Variants in POM121 observed in about 807,000 individuals in gnomAD.
The protein encoded by POM121 is POM121 transmembrane nucleoporin.
A neutral mutation model predicts 81.3 loss-of-function variants in POM121; 32 were observed. The ratio of observed to expected loss-of-function variants is 0.39; its 90% confidence interval spans 0.30 to 0.53. The LOEUF (loss-of-function observed/expected upper bound fraction) is 0.53. POM121 is among the 20% of genes least tolerant of loss of function. POM121 has a pLI of 0.66. For missense variants in POM121, 1,138 were observed against 1,614.6 expected (o/e 0.70, Z 5.06); for synonymous variants, 514 against 694.2 (o/e 0.74, Z 4.08).
chr7:72,912,165 G>C (rs1369089570), intron 3 of POM121, among the ~76,000 whole-genome samples: 1 of 152,212 alleles, frequency 6.6e-6, no homozygotes, highest in African/African-American at 2.4e-5. Flanking sequence ...AGTGCTGGGA[G>C]TACAGGCATG....
chr7:72,915,368 A>G (rs1212641343), intron 4 of POM121, among the ~76,000 whole-genome samples: 1 of 152,098 alleles, frequency 6.6e-6, no homozygotes, highest in Non-Finnish European at 1.5e-5. Flanking sequence ...AAACTAGCCA[A>G]CATGCACTGC....
chr7:72,927,042 T>C, intron 3 of POM121, 79 bp downstream of exon 3: 3 of 1,605,596 alleles, frequency 1.9e-6, no homozygotes, highest in South Asian at 2.2e-5. Context: ...CCCATATAGA[T>C]ACAGAGGCCA....
chr7:72,921,633 T>A (rs1794825508), upstream of POM121, among the ~76,000 whole-genome samples: 1 of 152,204 alleles, frequency 6.6e-6, no homozygotes. Flanking sequence ...TGCCAAGTTG[T>A]ACTGTTTTAT....
rs543990231 is a variant in POM121 at position 72,908,276 on chromosome 7, G to A, written c.-215-5489G>A. Among the ~76,000 whole-genome samples, 96 of 152,222 alleles carry A rather than the reference G, an allele frequency of 6.3e-4. 1 individual carries two copies. The highest frequency in any genetic ancestry group is 2.2e-3 in the African/African-American group (91 of 41,538). On this transcript the variant is annotated intron_variant, in intron 3 of 15. Transcript: ENST00000395270. ...GAGAAATTTTTAAAGCTGGGTGTCC[G>A]GGGGAGACATCACATGTCGGCAGGT...
At chr7:72,929,263 A>G (rs1435316792) in intron 4 of POM121, among the ~76,000 whole-genome samples, 1 of 152,232 alleles carries the variant, frequency 6.6e-6, no homozygotes, top group Non-Finnish European at 1.5e-5. Flanking sequence ...CCTTGAAAGA[A>G]GCAAAATAAC....
At chr7:72,882,923 C>T (rs1363683912) in intron 1 of POM121, among the ~76,000 whole-genome samples, 1 of 152,234 alleles carries the variant, frequency 6.6e-6, no homozygotes, top group Non-Finnish European at 1.5e-5. Context: ...CTGCCTTTGA[C>T]ATCCGTTACT....
intron 5 of POM121, 30 bp downstream of exon 5, chr7:72,930,141 A>C: frequency 6.3e-7 from 1 of 1,578,250 alleles, no homozygotes; most frequent in Non-Finnish European, 8.7e-7. Flanking sequence ...AATGTGGGGG[A>C]CATGAATTCC....
At chr7:72,890,529 T>C (rs1586070612) in intron 1 of POM121, 4 of 1,396,072 alleles carry the variant, frequency 2.9e-6, no homozygotes, top group Non-Finnish European at 4.0e-6. Flanking sequence ...AAATAAGGTA[T>C]ACAATGTTCA....
At chr7:72,891,087 A>G in exon 3 of POM121, 1 of 1,132,782 alleles carries the variant, frequency 8.8e-7, no homozygotes, top group East Asian at 2.4e-5. Context: ...ACGGGAGGTG[A>G]ATTTCCATGT....
downstream of POM121, chr7:72,949,707 C>T: frequency 5.6e-6 from 4 of 713,992 alleles, no homozygotes; most frequent in Non-Finnish European, 5.1e-6. Flanking sequence ...GTGGGGAAAG[C>T]TTAGCTTGGG....
At chr7:72,934,358 T>TA (rs1408185420) in intron 5 of POM121, among the ~76,000 whole-genome samples, 1 of 152,266 alleles carries the variant, frequency 6.6e-6, no homozygotes, top group Non-Finnish European at 1.5e-5. Context: ...GTGCTGGGAT[T>TA]ACAGGCGTGA....
At chr7:72,884,061 A>G (rs1484837404) in intron 1 of POM121, among the ~76,000 whole-genome samples, 2 of 152,114 alleles carry the variant, frequency 1.3e-5, no homozygotes, top group African/African-American at 4.8e-5. Context: ...ATATGCCACA[A>G]TGCCCAGCGG....
Position 72,929,928 on chromosome 7 carries a change from CTCTTT to C in POM121, c.1104-10_1104-6del, listed in dbSNP as rs1554498231. On this transcript the variant is annotated splice_region_variant and splice_polypyrimidine_tract_variant and intron_variant, in intron 4 of 12. Coordinates refer to ENST00000434423, the MANE Select transcript of POM121 (RefSeq NM_001387691.1). ...CTTCAATAAAGCATCTAACTGTCTT[CTCTTT>C]TATTAGGCCTGGGTCTCTGAAGAGA... The C allele has an allele frequency of 6.3e-7, 1 of 1,575,150 alleles. No individual in the cohort carries two copies. Among genetic ancestry groups the C allele is most frequent in the African/African-American group, 1.4e-5 (1 of 73,198 alleles).
intron 3 of POM121, among the ~76,000 whole-genome samples, chr7:72,904,370 A>G (rs782201773): frequency 1.3e-5 from 2 of 152,204 alleles, no homozygotes; most frequent in East Asian, 1.9e-4. Flanking sequence ...TTGCCTAGGC[A>G]TCAGTGGGGT....
intron 12 of POM121, among the ~76,000 whole-genome samples, 186 bp from the exon 13 acceptor site, chr7:72,945,951 T>G (rs1202123783): frequency 1.3e-5 from 2 of 152,084 alleles, no homozygotes; most frequent in Non-Finnish European, 2.9e-5. Flanking sequence ...TGGGCCTCGC[T>G]CTGAGACTCT....
At chr7:72,882,540 T>A (rs1226691009) in intron 1 of POM121, among the ~76,000 whole-genome samples, 1 of 152,232 alleles carries the variant, frequency 6.6e-6, no homozygotes, top group East Asian at 1.9e-4. Context: ...TTATGGCTTA[T>A]TCTTGGTGCT....
At chr7:72,924,539 A>T (rs1215865326), upstream of POM121, 1 of 152,316 alleles carries the variant, frequency 6.6e-6, no homozygotes, top group Non-Finnish European at 1.5e-5. Flanking sequence ...GCCTATAACC[A>T]TGACCAGTCA....
intron 3 of POM121, among the ~76,000 whole-genome samples, chr7:72,896,222 T>C (rs1459254198): frequency 6.6e-6 from 1 of 152,022 alleles, no homozygotes; most frequent in Non-Finnish European, 1.5e-5. Context: ...TGGTGGCTTA[T>C]GCCTGTAATC....
chr7:72,904,987 C>T (rs1369972197), intron 3 of POM121, among the ~76,000 whole-genome samples: 1 of 152,188 alleles, frequency 6.6e-6, no homozygotes, highest in Admixed American at 6.5e-5. Flanking sequence ...AATCACCTTC[C>T]ACCAGGTCCC....
Sources: allele counts gnomAD v4.1 joint callset (sites outside exome capture counted in the v4.1 genomes callset), GRCh38; gene constraint gnomAD v4.1.1; transcripts MANE v1.5; gene names NCBI Gene and HGNC (gene_info 2026-07-23, HGNC 2026-07-21).